USP2: variants seen among roughly 807,000 people sequenced by gnomAD.
The protein encoded by USP2 is ubiquitin specific peptidase 2.
USP2 carries 33 observed loss-of-function variants against 72.0 expected under a neutral mutation model. The ratio of observed to expected loss-of-function variants is 0.46; its 90% CI spans 0.35 to 0.61. The LOEUF (loss-of-function observed/expected upper bound fraction) is 0.61, where lower values mean the gene tolerates loss of function less well. USP2 is among the 20% of genes least tolerant of loss of function. The probability of loss-of-function intolerance (pLI) is 0.01; values close to 1 mark genes in which losing one functional copy is unlikely to be tolerated. For synonymous variants in USP2, 296 were observed against 312.5 expected (o/e 0.95, Z 0.56); for missense variants, 691 against 797.8 (o/e 0.87, Z 1.61).
At chr11:119,372,074 C>A (rs919180180) in intron 2 of USP2, among the ~76,000 whole-genome samples, 4 of 152,224 alleles carry the variant, frequency 2.6e-5, no homozygotes, top group Non-Finnish European at 5.9e-5. Flanking sequence ...CTCATTCCAG[C>A]TGAGGCAGGG....
At chr11:119,362,645 C>G (rs1950781623) in intron 2 of USP2, among the ~76,000 whole-genome samples, 1 of 152,160 alleles carries the variant, frequency 6.6e-6, no homozygotes, top group Admixed American at 6.5e-5. Context: ...CAAAATGTCC[C>G]CAGAGTGACC....
In USP2 at chr11:119,358,876, A is replaced by T. The variant is rs201636268; in HGVS notation, c.1173-39T>A. On this transcript the variant is annotated intron_variant, in intron 6 of 12. Transcript: ENST00000260187. ...AGAGACAACAATTGGGTCAAAGCTC[A>T]AAACTTAAGTTTAAGGGTCTGTCAA... The T allele has an allele frequency of 6.2e-4, 998 of 1,611,760 alleles. 1 individual carries two copies. Among genetic ancestry groups the T allele is most frequent in the Non-Finnish European group, 7.4e-4 (867 of 1,178,080 alleles).
At position 119,372,797 on chromosome 11, in the gene USP2, G is replaced by A. The variant is rs745960123; in HGVS notation, c.684C>T (p.Tyr228=). Reference sequence around the variant, plus strand: ...ACAGCGTGTAGCGGCCAATGGGTCGGTAGGTTGGGCTGATGATTTCAGGGA... The same window carrying A: ...ACAGCGTGTAGCGGCCAATGGGTCGATAGGTTGGGCTGATGATTTCAGGGA... ...SRVPEIISPT[Y]RPIGRYTLWE... is the part of the protein sequence containing the mutation. Residue 228 remains tyrosine (Y), a synonymous_variant, in exon 2 of 13, where the codon TAC becomes TAT. Coordinates refer to ENST00000260187, the MANE Select transcript of USP2 (RefSeq NM_004205.5). 1 of 1,602,690 alleles carries A rather than the reference G, an allele frequency of 6.2e-7. No individual in the cohort carries two copies. Among genetic ancestry groups the A allele is most frequent in the Non-Finnish European group, 8.5e-7 (1 of 1,174,812 alleles).
At chr11:119,379,165 C>A (rs574561795) in intron 1 of USP2, 2 of 985,484 alleles carry the variant, frequency 2.0e-6, no homozygotes, top group Non-Finnish European at 2.4e-6. Flanking sequence ...TCTGACCTCG[C>A]AGACTCGCAG....
intron 7 of USP2, 52 bp from the exon 8 acceptor site, chr11:119,358,304 C>T (rs116701839): frequency 5.9e-6 from 9 of 1,533,228 alleles, no homozygotes; most frequent in Admixed American, 3.4e-5. Context: ...AGAGCATGGT[C>T]TTCTGCACAG....
intron 2 of USP2, among the ~76,000 whole-genome samples, chr11:119,364,563 T>C (rs1950825324): frequency 6.6e-6 from 1 of 152,238 alleles, no homozygotes; most frequent in Non-Finnish European, 1.5e-5. Flanking sequence ...TTACACTTCC[T>C]AACTCTTGAG....
chr11:119,360,422 C>CT, intron 2 of USP2, 188 bp from the exon 3 acceptor site: 3 of 677,242 alleles, frequency 4.4e-6, no homozygotes, highest in South Asian at 1.6e-5. Flanking sequence ...ATTTTCTTTT[C>CT]TTTTCTTTTT....
chr11:119,379,137 G>T, intron 1 of USP2: 9 of 985,468 alleles, frequency 9.1e-6, no homozygotes, highest in Non-Finnish European at 1.1e-5. Flanking sequence ...TACTGACTCC[G>T]ATATATATAG....
At chr11:119,360,365 T>C in intron 2 of USP2, 131 bp from the exon 3 acceptor site, 1 of 887,798 alleles carries the variant, frequency 1.1e-6, no homozygotes, top group Non-Finnish European at 1.8e-6. Context: ...TCTTCAACTT[T>C]ACCCATCTAT....
Position 119,373,275 on chromosome 11 carries a change from G to C in USP2, c.206C>G (p.Ser69Cys), listed in dbSNP as rs746239030. 2 of 1,613,974 alleles carry C rather than the reference G, an allele frequency of 1.2e-6. No homozygotes were observed. Among genetic ancestry groups the C allele is most frequent in the Non-Finnish European group, 1.7e-6 (2 of 1,179,910 alleles). ...GCCCCGGTCATAGTCCAGGAGGGAGGAGGGGCCATAGGTACGGGGACGGGT... is the reference window on the plus strand; with the variant it reads ...GCCCCGGTCATAGTCCAGGAGGGAGCAGGGGCCATAGGTACGGGGACGGGT... Reference protein sequence around the residue: ...FLTRPRTYGPSSLLDYDRGRP... With the variant: ...FLTRPRTYGPCSLLDYDRGRP... The change falls in exon 2 of 13, where the codon TCC becomes TGC. Residue 69 changes from serine to cysteine, a missense_variant. By Grantham distance (112) the Ser-to-Cys change is moderately radical. Coordinates refer to ENST00000260187, the MANE Select transcript of USP2 (RefSeq NM_004205.5).
Position 119,356,713 on chromosome 11 carries a change from TTCAGGTTTGTTTTTCTCTTG to T in USP2, c.*102_*121del. On this transcript the variant is annotated 3_prime_UTR_variant, in exon 13 of 13. Coordinates refer to ENST00000260187, the MANE Select transcript of USP2 (RefSeq NM_004205.5). ...GCTGCATCCACTCCTGCTCGGCAGC[TTCAGGTTTGTTTTTCTCTTG>T]TCAGGTTTGTGTGTTGTTGTTGTTG... The T allele has an allele frequency of 9.5e-7, 1 of 1,049,096 alleles. No individual in the cohort carries two copies. The allele number at this position is 1,049,096 out of a possible 1,614,324, so 65.0% of individuals were successfully genotyped here. A position where few individuals can be genotyped will look rare whatever the true frequency, so the allele number is the denominator to read the frequency against.
chr11:119,365,094 A>G (rs912798525), intron 2 of USP2, among the ~76,000 whole-genome samples: 14 of 152,160 alleles, frequency 9.2e-5, no homozygotes, highest in African/African-American at 3.4e-4. Context: ...GAAGCTCACG[A>G]ATCTGCCTAG....
chr11:119,368,745 C>T (rs559258081), intron 2 of USP2, among the ~76,000 whole-genome samples: 15 of 152,326 alleles, frequency 9.8e-5, no homozygotes, highest in African/African-American at 2.2e-4. Flanking sequence ...GCTCTGCCTC[C>T]GAGTTGCAGG....
At chr11:119,365,476 C>T (rs1381477101) in intron 2 of USP2, among the ~76,000 whole-genome samples, 3 of 152,188 alleles carry the variant, frequency 2.0e-5, no homozygotes, top group African/African-American at 4.8e-5. Flanking sequence ...GTGATCTCTA[C>T]AGTCACTGTC....
In USP2 at chr11:119,372,893, G is replaced by A. The variant is rs35832174; in HGVS notation, c.588C>T (p.Val196=). The A allele has an allele frequency of 2.5e-6, 4 of 1,610,232 alleles. No individual in the cohort carries two copies. Among genetic ancestry groups the A allele is most frequent in the Non-Finnish European group, 3.4e-6 (4 of 1,178,646 alleles). The part of the protein sequence containing the change: ...YQTASCPEYL[V]DYLENYGRKG... ...TGCGACCATAGTTCTCCAGGTAGTC[G>A]ACCAGGTATTCAGGGCAGCTGGCTG... The change falls in exon 2 of 13, where the codon GTC becomes GTT. Residue 196 remains valine (V), a synonymous_variant. Transcript: ENST00000260187.
intron 2 of USP2, among the ~76,000 whole-genome samples, chr11:119,368,849 G>C (rs1950889305): frequency 6.6e-6 from 1 of 152,242 alleles, no homozygotes. Flanking sequence ...GGTGGGGCAA[G>C]GGCTGGGCAG....
At position 119,373,108 on chromosome 11, in the gene USP2, G is replaced by C. The variant is rs960465996; in HGVS notation, c.373C>G (p.Leu125Val). Residue 125 changes from leucine to valine, a missense_variant, in exon 2 of 13, where the codon CTG becomes GTG. Transcript: ENST00000260187. The part of the protein sequence containing the change: ...YGVTNNCLSY[L>V]PINAYDQGVT... ...CCCTGGTCATAGGCATTGATGGGCA[G>C]GTAGCTGAGGCAGTTGTTGGTCACT... 4 of 1,614,060 alleles carry C rather than the reference G, an allele frequency of 2.5e-6. No homozygotes were observed. In the African/African-American group the frequency reaches 5.3e-5, roughly 22 times the overall value.
chr11:119,360,378 A>G (rs1950744214), intron 2 of USP2, 144 bp from the exon 3 acceptor site: 4 of 833,272 alleles, frequency 4.8e-6, no homozygotes, highest in Non-Finnish European at 8.0e-6. Context: ...CCATCTATGT[A>G]CTTTGTAGGA....
At chr11:119,363,335 C>T (rs1032337384) in intron 2 of USP2, among the ~76,000 whole-genome samples, 1 of 152,226 alleles carries the variant, frequency 6.6e-6, no homozygotes, top group Non-Finnish European at 1.5e-5. Context: ...GGAAGTTGCC[C>T]TCTGTCACCT....
Sources: gnomAD v4.1 joint callset for allele counts (sites outside exome capture counted in the v4.1 genomes callset) on GRCh38, gnomAD v4.1.1 for gene constraint, MANE v1.5 for transcripts, NCBI Gene and HGNC (gene_info 2026-07-23, HGNC 2026-07-21) for gene names.